RNLS: variants seen among roughly 807,000 people sequenced by gnomAD.
RNLS encodes renalase, FAD dependent amine oxidase, also known as renalase.
RNLS carries 39 observed loss-of-function variants against 39.8 expected under a neutral mutation model. The observed-to-expected ratio is 0.98, with a 90% CI of 0.76 to 1.28. The LOEUF (loss-of-function observed/expected upper bound fraction) is 1.28. Among genes scored for constraint, RNLS ranks in the 50% most tolerant of loss-of-function variants. The pLI is 0.00. For synonymous variants in RNLS, 147 were observed against 150.7 expected (o/e 0.98, Z 0.18); for missense variants, 410 against 413.3 (o/e 0.99, Z 0.07).
intron 4 of RNLS, among the ~76,000 whole-genome samples, chr10:88,549,044 G>A (rs1460997606): frequency 1.3e-5 from 2 of 152,040 alleles, no homozygotes; most frequent in African/African-American, 4.8e-5. Flanking sequence ...TATTCAATGT[G>A]AAAAATCCCT....
At chr10:88,491,711 T>C (rs1336234754) in intron 4 of RNLS, among the ~76,000 whole-genome samples, 1 of 152,206 alleles carries the variant, frequency 6.6e-6, no homozygotes, top group Non-Finnish European at 1.5e-5. Context: ...GATTTCCTCA[T>C]TATGAACAAA....
chr10:88,295,105 A>C (rs917815770), intron 6 of RNLS, among the ~76,000 whole-genome samples: 1 of 152,162 alleles, frequency 6.6e-6, no homozygotes, highest in African/African-American at 2.4e-5. Flanking sequence ...TTTGTAGTGA[A>C]GTAGAAATCA....
Position 88,292,815 on chromosome 10 carries a change from G to A in RNLS, c.877-7309C>T, listed in dbSNP as rs529538387. ...TCCCAGCACTTTGGGAGGCTGAGAC[G>A]GGTGGATCATGAGGTCAGGAGATTG... On this transcript the variant is annotated intron_variant, in intron 6 of 6. Coordinates refer to ENST00000331772, the MANE Select transcript of RNLS (RefSeq NM_001031709.3). 8.6e-5 allele frequency among the ~76,000 whole-genome samples: 13 copies of A among 152,038 alleles called. No individual in the cohort carries two copies. In the South Asian group the frequency reaches 1.9e-3, roughly 22 times the overall value.
intron 5 of RNLS, among the ~76,000 whole-genome samples, chr10:88,354,663 C>A (rs755282453): frequency 1.3e-5 from 2 of 152,130 alleles, no homozygotes; most frequent in Non-Finnish European, 2.9e-5. Flanking sequence ...TCCTTCATTT[C>A]AACTTTGGTG....
At chr10:88,374,125 G>T (rs1428083961) in intron 4 of RNLS, among the ~76,000 whole-genome samples, 2 of 151,964 alleles carry the variant, frequency 1.3e-5, no homozygotes, top group Non-Finnish European at 2.9e-5. Flanking sequence ...TGCAGGAAAA[G>T]AGTTCAATAA....
At chr10:88,320,908 CAAAG>C (rs1846140030) in intron 5 of RNLS, among the ~76,000 whole-genome samples, 1 of 148,424 alleles carries the variant, frequency 6.7e-6, no homozygotes, top group Admixed American at 6.8e-5. Flanking sequence ...CAGAAAACAA[CAAAG>C]AAAATCTGGA....
intron 4 of RNLS, among the ~76,000 whole-genome samples, chr10:88,452,777 T>A (rs1564811070): frequency 6.6e-6 from 1 of 152,080 alleles, no homozygotes; most frequent in South Asian, 2.1e-4. Flanking sequence ...ATAACCAACA[T>A]GGATCATCAG....
intron 4 of RNLS, among the ~76,000 whole-genome samples, chr10:88,514,150 CAT>C (rs1418439617): frequency 2.0e-5 from 3 of 151,438 alleles, no homozygotes; most frequent in South Asian, 4.2e-4. Flanking sequence ...TTAATTGACT[CAT>C]AGTTTCACAT....
intron 4 of RNLS, among the ~76,000 whole-genome samples, chr10:88,434,889 G>A (rs1446117925): frequency 2.6e-5 from 4 of 152,038 alleles, no homozygotes; most frequent in Admixed American, 6.6e-5. Context: ...GATAGAAAAG[G>A]TATTAAAAAA....
downstream of RNLS, among the ~76,000 whole-genome samples, chr10:88,272,908 G>T (rs1223967133): frequency 6.6e-6 from 1 of 152,114 alleles, no homozygotes; most frequent in East Asian, 1.9e-4. Flanking sequence ...GAAGTTTAAG[G>T]CAAATACATA....
the RNLS span, among the ~76,000 whole-genome samples, chr10:88,239,968 C>A: frequency 3.8e-4 from 58 of 152,192 alleles, no homozygotes; most frequent in Non-Finnish European, 7.9e-4. Flanking sequence ...TTATTTTCTA[C>A]AAAATTTAAC....
At chr10:88,518,368 A>G (rs1846523663) in intron 4 of RNLS, among the ~76,000 whole-genome samples, 1 of 151,922 alleles carries the variant, frequency 6.6e-6, no homozygotes, top group Non-Finnish European at 1.5e-5. Flanking sequence ...TTAACATTGA[A>G]GGAAAAAAAT....
intron 4 of RNLS, among the ~76,000 whole-genome samples, chr10:88,443,479 G>A (rs1841847266): frequency 6.6e-6 from 1 of 152,154 alleles, no homozygotes; most frequent in South Asian, 2.1e-4. Flanking sequence ...AGGACAGTGG[G>A]TGCAGCACAC....
At chr10:88,265,013 C>T in the RNLS span, among the ~76,000 whole-genome samples, 3 of 152,084 alleles carry the variant, frequency 2.0e-5, no homozygotes, top group African/African-American at 4.8e-5. Context: ...GATTTTTGTA[C>T]AAGGTGAGAG....
Position 88,355,841 on chromosome 10 carries a change from G to T in RNLS, c.700+6711C>A, listed in dbSNP as rs192706054. On this transcript the variant is annotated intron_variant, in intron 5 of 6. Coordinates refer to ENST00000331772, the MANE Select transcript of RNLS (RefSeq NM_001031709.3). The stretch of plus-strand genomic sequence containing the variant: ...TCTACAGAGGCAGGCAGGCCTCCTT[G>T]AGCTGCGGTGGGCTCCACCCAGTTC... Among the ~76,000 whole-genome samples the T allele has an allele frequency of 4.4e-3, 670 of 152,306 alleles. 16 individuals are homozygous for T. The highest frequency in any genetic ancestry group is 1.6e-3 in the Non-Finnish European group (110 of 68,022).
chr10:88,354,843 G>A (rs956886870), intron 5 of RNLS, among the ~76,000 whole-genome samples: 3 of 152,170 alleles, frequency 2.0e-5, no homozygotes, highest in East Asian at 1.9e-4. Flanking sequence ...CTTCACTTTC[G>A]GGTACACCAA....
At chr10:88,548,726 A>G (rs985786062) in intron 4 of RNLS, among the ~76,000 whole-genome samples, 88 of 148,432 alleles carry the variant, frequency 5.9e-4, no homozygotes, top group African/African-American at 2.1e-3. Context: ...TATATTAAAT[A>G]TATATGGCCA....
At chr10:88,465,496 A>G (rs774920807) in intron 4 of RNLS, among the ~76,000 whole-genome samples, 3 of 152,130 alleles carry the variant, frequency 2.0e-5, no homozygotes, top group Non-Finnish European at 4.4e-5. Flanking sequence ...AGCTATGTGC[A>G]GTGCCAGTAA....
chr10:88,327,889 C>T (rs1391198843), intron 5 of RNLS, among the ~76,000 whole-genome samples: 2 of 152,032 alleles, frequency 1.3e-5, no homozygotes, highest in Non-Finnish European at 2.9e-5. Context: ...AGGCGTGAGC[C>T]ACTGCGCCCA....
Sources: allele counts gnomAD v4.1 joint callset (sites outside exome capture counted in the v4.1 genomes callset), GRCh38; gene constraint gnomAD v4.1.1; transcripts MANE v1.5; gene names NCBI Gene and HGNC (gene_info 2026-07-23, HGNC 2026-07-21).